GPC5: variants seen among roughly 807,000 people sequenced by gnomAD.
The protein encoded by GPC5 is glypican-5.
GPC5 carries 47 observed loss-of-function variants against 53.9 expected under a neutral mutation model. That is an observed-to-expected ratio of 0.87 (90% confidence interval 0.69 to 1.11). GPC5 has a LOEUF of 1.11. Among genes scored for constraint, GPC5 ranks in the 50% most tolerant of loss-of-function variants. GPC5 has a pLI of 0.00. For synonymous variants in GPC5, 286 were observed against 263.3 expected (o/e 1.09, Z -0.84); for missense variants, 748 against 713.1 (o/e 1.05, Z -0.56).
chr13:92,775,972 C>T (rs1310869408), intron 7 of GPC5, among the ~76,000 whole-genome samples: 1 of 152,226 alleles, frequency 6.6e-6, no homozygotes, highest in East Asian at 1.9e-4. Flanking sequence ...AAATACAAGC[C>T]TTGCCCTCTT....
At chr13:91,754,712 A>T (rs2037252191) in intron 4 of GPC5, among the ~76,000 whole-genome samples, 1 of 152,158 alleles carries the variant, frequency 6.6e-6, no homozygotes, top group South Asian at 2.1e-4. Flanking sequence ...TAATAGCTGC[A>T]ACATATAAAT....
At chr13:92,342,067 C>T (rs1438351753) in intron 7 of GPC5, among the ~76,000 whole-genome samples, 14 of 152,060 alleles carry the variant, frequency 9.2e-5, no homozygotes, top group East Asian at 1.9e-4. Flanking sequence ...TCCCTGATAC[C>T]TTCAATGATC....
rs376570866 is a variant in GPC5 at position 92,427,330 on chromosome 13, G to A, written c.1561+282341G>A. On this transcript the variant is annotated intron_variant, in intron 7 of 7. Transcript: ENST00000377067. ...TGCAGTTGACTGGTAAATAACATAC[G>A]AGATAACTGGCTCTCCCAGAAAATG... Among the ~76,000 whole-genome samples the A allele has an allele frequency of 4.8e-4, 71 of 148,446 alleles. 1 individual carries two copies. Among genetic ancestry groups the A allele is most frequent in the Middle Eastern group, 3.2e-3 (1 of 316 alleles).
chr13:91,418,521 T>A (rs1201144485), intron 1 of GPC5, among the ~76,000 whole-genome samples: 6 of 152,128 alleles, frequency 3.9e-5, no homozygotes, highest in Non-Finnish European at 7.4e-5. Flanking sequence ...AGAGTATAGA[T>A]TGTGCTTCTT....
Position 91,520,672 on chromosome 13 carries a change from G to A in GPC5, c.325+71750G>A, listed in dbSNP as rs529973631. On this transcript the variant is annotated intron_variant, in intron 2 of 7. Transcript: ENST00000377067. ...TATATATATATGTGTGGGTATATATGTGTGTATATATATGTGTGTATATAT... is the reference window on the plus strand; with the variant it reads ...TATATATATATGTGTGGGTATATATATGTGTATATATATGTGTGTATATAT... Among the ~76,000 whole-genome samples the A allele has an allele frequency of 9.2e-5, 14 of 151,860 alleles. No individual in the cohort carries two copies. In the East Asian group the frequency reaches 2.7e-3, roughly 29 times the overall value.
At chr13:92,277,624 C>A (rs781643300) in intron 7 of GPC5, among the ~76,000 whole-genome samples, 1 of 151,876 alleles carries the variant, frequency 6.6e-6, no homozygotes, top group Non-Finnish European at 1.5e-5. Flanking sequence ...TAATACTAAG[C>A]ATTTTTTTAC....
In GPC5 at chr13:92,731,293, C is replaced by A. The variant is rs149011996; in HGVS notation, c.1562-134989C>A. On this transcript the variant is annotated intron_variant, in intron 7 of 7. Transcript: ENST00000377067. ...GTAATTAGAGCTCAAAATAAACTTT[C>A]TGAAACTAAATGTCAGGATTTCTAA... is the stretch of plus-strand genomic sequence containing the variant. 6.4e-3 allele frequency among the ~76,000 whole-genome samples: 973 copies of A among 151,472 alleles called. 9 individuals are homozygous for A. Among genetic ancestry groups the A allele is most frequent in the African/African-American group, 0.022 (931 of 41,420 alleles).
chr13:92,538,586 A>T (rs545884618), intron 7 of GPC5, among the ~76,000 whole-genome samples: 2 of 143,568 alleles, frequency 1.4e-5, no homozygotes, highest in South Asian at 4.5e-4. Context: ...TACATTAGGT[A>T]TTTCTCCTAA....
chr13:92,847,722 T>C (rs959181160), intron 7 of GPC5, among the ~76,000 whole-genome samples: 4 of 152,056 alleles, frequency 2.6e-5, no homozygotes, highest in Non-Finnish European at 4.4e-5. Flanking sequence ...GTGTGTTGTA[T>C]GAAGATTTGT....
chr13:92,385,662 T>TAC (rs1373281492), intron 7 of GPC5, among the ~76,000 whole-genome samples: 2 of 141,770 alleles, frequency 1.4e-5, no homozygotes, highest in African/African-American at 2.6e-5. Flanking sequence ...CATATATATA[T>TAC]ACATATATAC....
At chr13:91,660,276 T>C (rs558064630) in intron 2 of GPC5, among the ~76,000 whole-genome samples, 1 of 152,318 alleles carries the variant, frequency 6.6e-6, no homozygotes, top group South Asian at 2.1e-4. Context: ...CTTTCCAAAC[T>C]GGTTGTGGCA....
chr13:91,568,262 G>A (rs1389104933), intron 2 of GPC5, among the ~76,000 whole-genome samples: 1 of 152,126 alleles, frequency 6.6e-6, no homozygotes, highest in Non-Finnish European at 1.5e-5. Flanking sequence ...TGGCAGCATT[G>A]TCATGACATG....
At chr13:92,027,736 C>T (rs1378518366) in intron 6 of GPC5, among the ~76,000 whole-genome samples, 1 of 152,136 alleles carries the variant, frequency 6.6e-6, no homozygotes, top group Non-Finnish European at 1.5e-5. Flanking sequence ...AGGCAGTAAA[C>T]TTACCCATTC....
intron 2 of GPC5, among the ~76,000 whole-genome samples, chr13:91,456,686 TA>T (rs1303161562): frequency 2.6e-5 from 4 of 152,026 alleles, no homozygotes; most frequent in Admixed American, 2.0e-4. Flanking sequence ...ATGAATTCTT[TA>T]AAAAAATTTT....
chr13:92,742,480 A>G (rs1889130193), intron 7 of GPC5, among the ~76,000 whole-genome samples: 1 of 150,890 alleles, frequency 6.6e-6, no homozygotes, highest in African/African-American at 2.4e-5. Flanking sequence ...TCTGGATATT[A>G]GCCCTTTGTC....
intron 7 of GPC5, among the ~76,000 whole-genome samples, chr13:92,176,391 G>A (rs1039898704): frequency 1.3e-5 from 2 of 152,162 alleles, no homozygotes; most frequent in African/African-American, 2.4e-5. Flanking sequence ...GGACAAGGAC[G>A]AGAAGTAAGT....
In GPC5 at chr13:91,500,435, GA is replaced by G. The variant is rs1884558228; in HGVS notation, c.325+51515del. Among the ~76,000 whole-genome samples the G allele has an allele frequency of 2.6e-5, 4 of 152,148 alleles. No individual in the cohort carries two copies. The South Asian group carries it at 8.3e-4, about 32-fold the overall frequency. ...TTTCTTGGGATCCATTGGATACACAGAAGATGGGTATTAGGGAGGATTCCCA... is the reference window on the plus strand; with the variant it reads ...TTTCTTGGGATCCATTGGATACACAGAGATGGGTATTAGGGAGGATTCCCA... On this transcript the variant is annotated intron_variant, in intron 2 of 7. Coordinates refer to ENST00000377067, the MANE Select transcript of GPC5 (RefSeq NM_004466.6).
At chr13:91,618,286 G>A (rs1168629026) in intron 2 of GPC5, among the ~76,000 whole-genome samples, 1 of 152,102 alleles carries the variant, frequency 6.6e-6, no homozygotes, top group Non-Finnish European at 1.5e-5. Flanking sequence ...GTGAGTGAAG[G>A]TCACATTAGA....
chr13:92,040,175 GA>G (rs1157316395), intron 6 of GPC5, among the ~76,000 whole-genome samples: 4 of 152,068 alleles, frequency 2.6e-5, no homozygotes, highest in African/African-American at 7.2e-5. Flanking sequence ...ATTGATGGGG[GA>G]AAAAAATCAA....
Sources: allele counts gnomAD v4.1 joint callset (sites outside exome capture counted in the v4.1 genomes callset), GRCh38; gene constraint gnomAD v4.1.1; transcripts MANE v1.5; gene names NCBI Gene and HGNC (gene_info 2026-07-23, HGNC 2026-07-21).